The following UBXN2B variants were observed in gnomAD, a reference collection of about 807,000 sequenced individuals.
UBXN2B encodes the protein UBX domain protein 2B, also known as UBX domain-containing protein 2B.
A neutral mutation model predicts 37.5 loss-of-function variants in UBXN2B; 19 were observed. That is an observed-to-expected ratio of 0.51 (90% confidence interval 0.35 to 0.74). The LOEUF (loss-of-function observed/expected upper bound fraction) is 0.74, where lower values mean the gene tolerates loss of function less well. Among genes scored for constraint, UBXN2B ranks in the 30% least tolerant of loss-of-function variants. UBXN2B has a pLI of 0.01. For missense variants in UBXN2B, 370 were observed against 393.2 expected (o/e 0.94, Z 0.50); for synonymous variants, 145 against 143.8 (o/e 1.01, Z -0.06).
intron 2 of UBXN2B, chr8:58,426,133 G>T: frequency 8.4e-7 from 1 of 1,187,768 alleles, no homozygotes; most frequent in South Asian, 1.2e-5. Context: ...TGTAATGCCG[G>T]ACCAACTCAG....
At chr8:58,432,884 CGT>C (rs1563463237) in intron 3 of UBXN2B, among the ~76,000 whole-genome samples, 1 of 151,730 alleles carries the variant, frequency 6.6e-6, no homozygotes, top group Non-Finnish European at 1.5e-5. Flanking sequence ...TGCCTAGAAA[CGT>C]GTCTTTTTAA....
intron 4 of UBXN2B, 143 bp downstream of exon 4, chr8:58,433,386 G>A (rs12543860): frequency 0.32 from 185,844 of 585,350 alleles, 32,170 homozygotes; most frequent in East Asian, 0.53. Context: ...TGATGTGTGA[G>A]TTTTCAGTCT....
intron 5 of UBXN2B, among the ~76,000 whole-genome samples, chr8:58,435,596 A>G (rs1256986671): frequency 2.6e-5 from 4 of 152,226 alleles, no homozygotes; most frequent in East Asian, 3.8e-4. Context: ...GAAAACCAAC[A>G]TAACTGTAGA....
intron 5 of UBXN2B, among the ~76,000 whole-genome samples, chr8:58,435,496 G>A (rs1808388433): frequency 6.6e-6 from 1 of 152,156 alleles, no homozygotes. Context: ...GGATATAATG[G>A]TTTAAGTCAA....
chr8:58,433,777 TA>T (rs532052204), intron 4 of UBXN2B, among the ~76,000 whole-genome samples: 260 of 151,900 alleles, frequency 1.7e-3, no homozygotes, highest in Non-Finnish European at 3.1e-3. Context: ...ATCTTTAAGA[TA>T]AAAAAATCAA....
At chr8:58,419,583 T>C (rs563258154) in intron 2 of UBXN2B, among the ~76,000 whole-genome samples, 1 of 152,298 alleles carries the variant, frequency 6.6e-6, no homozygotes, top group South Asian at 2.1e-4. Context: ...CCTCCACAAG[T>C]CATTGTATAG....
chr8:58,427,197 G>A (rs866999172), intron 2 of UBXN2B, among the ~76,000 whole-genome samples: 3 of 152,188 alleles, frequency 2.0e-5, no homozygotes, highest in Admixed American at 6.5e-5. Flanking sequence ...GGCCAAGGAC[G>A]GTGGCTCACG....
chr8:58,428,042 A>G (rs1343848468), intron 2 of UBXN2B, among the ~76,000 whole-genome samples: 1 of 152,230 alleles, frequency 6.6e-6, no homozygotes, highest in Non-Finnish European at 1.5e-5. Flanking sequence ...AAAAGGATCA[A>G]ATGTTTCAGA....
chr8:58,431,276 C>A (rs772706471), intron 3 of UBXN2B, among the ~76,000 whole-genome samples: 17 of 152,210 alleles, frequency 1.1e-4, no homozygotes, highest in Admixed American at 9.2e-4. Context: ...AGTTCAAGAC[C>A]AGCCTGGCCA....
intron 2 of UBXN2B, among the ~76,000 whole-genome samples, chr8:58,423,164 A>C: frequency 6.6e-6 from 1 of 152,094 alleles, no homozygotes; most frequent in East Asian, 1.9e-4. Flanking sequence ...TTCTGGACTT[A>C]AGTCTTCAGA....
At chr8:58,437,763 T>G (rs10111761) in intron 5 of UBXN2B, among the ~76,000 whole-genome samples, 27 of 152,058 alleles carry the variant, frequency 1.8e-4, no homozygotes, top group African/African-American at 6.5e-4. Flanking sequence ...CCGTTGAAGT[T>G]TGGAAAATTC....
chr8:58,434,733 C>T, intron 5 of UBXN2B: 1 of 1,436,516 alleles, frequency 7.0e-7, no homozygotes, highest in Admixed American at 2.4e-5. Context: ...GACATTGGCC[C>T]ATTTTAAAAT....
intron 2 of UBXN2B, among the ~76,000 whole-genome samples, chr8:58,422,255 TA>T (rs142205995): frequency 0.014 from 2,113 of 152,280 alleles, 51 homozygotes; most frequent in African/African-American, 0.044. Flanking sequence ...GGGGCAGGGA[TA>T]GGGGCTGATA....
At chr8:58,414,613 T>C (rs917696318) in intron 1 of UBXN2B, among the ~76,000 whole-genome samples, 14 of 152,196 alleles carry the variant, frequency 9.2e-5, no homozygotes, top group Admixed American at 2.0e-4. Context: ...ATTTAAATTA[T>C]CATTTCCTCT....
At chr8:58,419,330 A>C (rs1807865562) in intron 2 of UBXN2B, among the ~76,000 whole-genome samples, 1 of 152,182 alleles carries the variant, frequency 6.6e-6, no homozygotes, top group South Asian at 2.1e-4. Context: ...TACAGAAAAC[A>C]GTGCTTATTT....
At chr8:58,429,641 G>A (rs1242316644) in intron 2 of UBXN2B, among the ~76,000 whole-genome samples, 1 of 152,140 alleles carries the variant, frequency 6.6e-6, no homozygotes, top group East Asian at 1.9e-4. Context: ...TTCTAATTTA[G>A]GAGAAAGCCT....
intron 2 of UBXN2B, chr8:58,425,705 A>C: frequency 8.6e-7 from 1 of 1,167,580 alleles, no homozygotes; most frequent in Non-Finnish European, 1.3e-6. Context: ...AGCAACATTT[A>C]TACGAGTCGT....
At chr8:58,435,542 A>G (rs184010682) in intron 5 of UBXN2B, among the ~76,000 whole-genome samples, 2 of 152,318 alleles carry the variant, frequency 1.3e-5, no homozygotes, top group African/African-American at 4.8e-5. Context: ...ATCACTGGGA[A>G]GAGCTGCGAG....
At chr8:58,416,371 C>T (rs1807783846) in intron 1 of UBXN2B, among the ~76,000 whole-genome samples, 1 of 151,790 alleles carries the variant, frequency 6.6e-6, no homozygotes, top group Admixed American at 6.6e-5. Flanking sequence ...TTCCTAAACA[C>T]GATGAAATTT....
Sources: allele counts gnomAD v4.1 joint callset (sites outside exome capture counted in the v4.1 genomes callset), GRCh38; gene constraint gnomAD v4.1.1; transcripts MANE v1.5; gene names NCBI Gene and HGNC (gene_info 2026-07-23, HGNC 2026-07-21).